CNKSR1: variants seen among roughly 807,000 people sequenced by gnomAD.
CNKSR1 encodes the protein CNK homolog protein 1.
CNKSR1 carries 88 observed loss-of-function variants against 95.6 expected under a neutral mutation model. The ratio of observed to expected loss-of-function variants is 0.92; its 90% CI spans 0.78 to 1.10. The LOEUF is 1.10. Among genes scored for constraint, CNKSR1 ranks in the 50% least tolerant of loss-of-function variants. The probability of loss-of-function intolerance (pLI) is 0.00; values close to 1 mark genes in which losing one functional copy is unlikely to be tolerated. For synonymous variants in CNKSR1, 355 were observed against 369.7 expected (o/e 0.96, Z 0.46); for missense variants, 836 against 912.0 (o/e 0.92, Z 1.07).
At position 26,182,416 on chromosome 1, in the gene CNKSR1, G is replaced by T. The variant is rs2088661996; in HGVS notation, c.519+14G>T. The T allele has an allele frequency of 6.2e-7, 1 of 1,614,028 alleles. No individual in the cohort carries two copies. Among genetic ancestry groups the T allele is most frequent in the Non-Finnish European group, 8.5e-7 (1 of 1,179,948 alleles). On this transcript the variant is annotated intron_variant, in intron 5 of 20. Coordinates refer to ENST00000361530, the MANE Select transcript of CNKSR1 (RefSeq NM_006314.3). ...GTCCTGAGGATCGTGAGTCTGTGGGGTGGGAAGAGAGTGGGGGTAGGGGCG... is the reference window on the plus strand; with the variant it reads ...GTCCTGAGGATCGTGAGTCTGTGGGTTGGGAAGAGAGTGGGGGTAGGGGCG...
chr1:26,179,830 A>G (rs2088616489), intron 1 of CNKSR1, among the ~76,000 whole-genome samples: 1 of 152,174 alleles, frequency 6.6e-6, no homozygotes, highest in Admixed American at 6.6e-5. Context: ...CATCACAGTC[A>G]CCTGCATTAA....
In CNKSR1 at chr1:26,189,288, C is replaced by T; in HGVS notation, c.1882C>T (p.Gln628Ter). The T allele has an allele frequency of 6.2e-7, 1 of 1,614,152 alleles. No homozygotes were observed. The highest frequency in any genetic ancestry group is 8.5e-7 in the Non-Finnish European group (1 of 1,180,034). Reference protein sequence around the residue: ...ALQSTLKAKLQELQVLEEVLG... With the variant: ...ALQSTLKAKL Reference sequence around the variant, plus strand: ...CCTCCTCTCCACACAGGCAAAGCTGCAGGAGCTGCAGGTCCTAGAAGAAGT... The same window carrying T: ...CCTCCTCTCCACACAGGCAAAGCTGTAGGAGCTGCAGGTCCTAGAAGAAGT... Residue 628 changes from glutamine to a stop codon, truncating the protein, a stop_gained, in exon 21 of 21, where the codon CAG becomes TAG. Transcript: ENST00000361530. LOFTEE classifies it low-confidence loss of function (END_TRUNC).
At chr1:26,188,545 A>G (rs368677102) in intron 18 of CNKSR1, 42 bp downstream of exon 18, 1 of 1,609,490 alleles carries the variant, frequency 6.2e-7, no homozygotes, top group Non-Finnish European at 8.5e-7. Flanking sequence ...GGGATAAACA[A>G]CAGGGCGTGG....
Position 26,182,371 on chromosome 1 carries a change from C to T in CNKSR1, c.488C>T (p.Ala163Val), listed in dbSNP as rs148174101. The T allele has an allele frequency of 6.8e-6, 11 of 1,613,788 alleles. No individual in the cohort carries two copies. The highest frequency in any genetic ancestry group is 5.0e-5 in the Admixed American group (3 of 59,988). ...LSQVLHEDGP[A>V]AEKEGTVLRI... ...TCATTCTACTTCCAGGATGGTCCAG[C>T]GGCTGAGAAGGAGGGCACAGTCCTG... Residue 163 changes from alanine (A) to valine (V), a missense_variant, in exon 5 of 21, where the codon GCG (alanine) becomes GTG (valine). Physicochemically the swap from Ala to Val is moderately conservative, Grantham distance 64 (BLOSUM62 0). Coordinates refer to ENST00000361530, the MANE Select transcript of CNKSR1 (RefSeq NM_006314.3).
rs904079282 is a variant in CNKSR1 at position 26,186,194 on chromosome 1, A to G, written c.1309-974A>G. Among the ~76,000 whole-genome samples the G allele has an allele frequency of 2.6e-5, 4 of 152,376 alleles. No individual in the cohort carries two copies. In the East Asian group the frequency reaches 7.7e-4, roughly 29 times the overall value. ...GCAGTTAGTTGCATGGGAAGGGGAAAGAAAACCAGGAAGAGAAAGCAGCAT... is the reference window on the plus strand; with the variant it reads ...GCAGTTAGTTGCATGGGAAGGGGAAGGAAAACCAGGAAGAGAAAGCAGCAT... On this transcript the variant is annotated intron_variant, in intron 14 of 20. Transcript: ENST00000361530.
In CNKSR1 at chr1:26,188,509, T is replaced by TG. The variant is rs746950461; in HGVS notation, c.1590+12dup. 27 of 1,601,272 alleles carry TG rather than the reference T, an allele frequency of 1.7e-5. No individual in the cohort carries two copies. In the East Asian group the frequency reaches 2.7e-4, roughly 16 times the overall value. On this transcript the variant is annotated splice_region_variant and intron_variant, in intron 18 of 20. Coordinates refer to ENST00000361530, the MANE Select transcript of CNKSR1 (RefSeq NM_006314.3). ...CTGGGTCCCACTCAGCCTCGGTGAG[T>TG]GGGGGGCTGCCGGGGGTAGGAGGTG...
chr1:26,181,280 CAA>C lies in CNKSR1; in HGVS notation c.392+407_392+408del, dbSNP rs11392737. On this transcript the variant is annotated intron_variant, in intron 3 of 20. Transcript: ENST00000361530. Reference sequence around the variant, plus strand: ...TGGGCGACAGAGTGAGACTCCCTCTCAAAAAAAAAAAAAAAAAAAAAAAAGAT... The same window carrying C: ...TGGGCGACAGAGTGAGACTCCCTCTCAAAAAAAAAAAAAAAAAAAAAAGAT... 4.5e-3 allele frequency among the ~76,000 whole-genome samples: 219 copies of C among 49,158 alleles called. 1 individual carries two copies. Among genetic ancestry groups the C allele is most frequent in the African/African-American group, 0.015 (190 of 13,030 alleles). The allele number at this position is 49,158 out of a possible 152,430, so 32.2% of individuals were successfully genotyped here. A position where few individuals can be genotyped will look rare whatever the true frequency, so the allele number is the denominator to read the frequency against.
At chr1:26,178,327 A>G (rs2088595000) in intron 1 of CNKSR1, among the ~76,000 whole-genome samples, 1 of 152,152 alleles carries the variant, frequency 6.6e-6, no homozygotes, top group African/African-American at 2.4e-5. Flanking sequence ...CTCTGGTGTC[A>G]TTTTCCCCGC....
In CNKSR1 at chr1:26,180,520, G is replaced by A. The variant is rs777200705; in HGVS notation, c.120G>A (p.Gln40=). Residue 40 remains glutamine (Q), a synonymous_variant, in exon 2 of 21, where the codon CAG becomes CAA. Coordinates refer to ENST00000361530, the MANE Select transcript of CNKSR1 (RefSeq NM_006314.3). ...AGCTGCCTGGCAAGAACCTGCTCCA[G>A]CTCTGCCCCCAAAGCCTCGAGGCTC... ...DWQLPGKNLL[Q]LCPQSLEALA... 2.4e-5 allele frequency: 38 copies of A among 1,614,072 alleles called. No individual in the cohort carries two copies. In the Middle Eastern group the frequency reaches 1.2e-3, roughly 49 times the overall value.
rs35307485 is a variant in CNKSR1, at chr1:26,187,620, C to CTT, written c.1454+157_1454+158dup. ...GGTCAAGATACTCACTTCTCTTTCTCTTTTTTTTTTTTTTTTTTTTGAGAC... is the reference window on the plus strand; with the variant it reads ...GGTCAAGATACTCACTTCTCTTTCTCTTTTTTTTTTTTTTTTTTTTTTGAGAC... On this transcript the variant is annotated intron_variant, in intron 16 of 20. Transcript: ENST00000361530. 9.4e-3 allele frequency: 4,317 copies of CTT among 458,780 alleles called. 3 individuals are homozygous for CTT. Among genetic ancestry groups the CTT allele is most frequent in the Middle Eastern group, 0.013 (21 of 1,658 alleles). 28.4% of individuals were successfully genotyped at this position (458,780 alleles called of 1,614,324 possible).
chr1:26,185,012 A>G lies in CNKSR1; in HGVS notation c.1136-2A>G, dbSNP rs1351677043. ...TGCCCAGCTTGTGCTGTGCTGCTAC[A>G]GGCCTGGCGACCCGGCTGAGCCGCC... On this transcript the variant is annotated splice_acceptor_variant, in intron 13 of 20. Coordinates refer to ENST00000361530, the MANE Select transcript of CNKSR1 (RefSeq NM_006314.3). LOFTEE classifies it high-confidence loss of function. The G allele has an allele frequency of 6.3e-7, 1 of 1,594,592 alleles. No homozygotes were observed. The highest frequency in any genetic ancestry group is 1.7e-5 in the Admixed American group (1 of 59,166).
Position 26,177,515 on chromosome 1 carries a change from A to G in CNKSR1, c.-33A>G. Reference sequence around the variant, plus strand: ...GAAATTCCGGCGACAGCAGGGCAAAACAGGAGCTGATTCGAGCTGGCAGAG... The same window carrying G: ...GAAATTCCGGCGACAGCAGGGCAAAGCAGGAGCTGATTCGAGCTGGCAGAG... On this transcript the variant is annotated 5_prime_UTR_variant, in exon 1 of 21. Coordinates refer to ENST00000361530, the MANE Select transcript of CNKSR1 (RefSeq NM_006314.3). The G allele has an allele frequency of 6.2e-7, 1 of 1,613,498 alleles. No individual in the cohort carries two copies. Among genetic ancestry groups the G allele is most frequent in the Admixed American group, 1.7e-5 (1 of 59,986 alleles).
chr1:26,181,009 G>A (rs2088639124), intron 3 of CNKSR1, 113 bp downstream of exon 3: 1 of 1,352,010 alleles, frequency 7.4e-7, no homozygotes, highest in East Asian at 2.3e-5. Flanking sequence ...GCCAGGCGTG[G>A]TGGCTTAGGT....
intron 14 of CNKSR1, 35 bp from the exon 15 acceptor site, chr1:26,187,133 G>A (rs145518890): frequency 4.6e-5 from 72 of 1,581,986 alleles, no homozygotes; most frequent in Non-Finnish European, 5.9e-5. Flanking sequence ...GGGTATTGGG[G>A]TTCCAACCTG....
Position 26,188,777 on chromosome 1 carries a change from A to G in CNKSR1, c.1696A>G (p.Ser566Gly), listed in dbSNP as rs1346100335. ...RTSFGSLTDS[S>G]EEALEGMVRG... Reference sequence around the variant, plus strand: ...CCTGCTCTTCCCTCCCACAGACAGCAGTGAAGAGGCACTGGAAGGAATGGT... The same window carrying G: ...CCTGCTCTTCCCTCCCACAGACAGCGGTGAAGAGGCACTGGAAGGAATGGT... The change falls in exon 20 of 21, where the codon AGT becomes GGT. Residue 566 changes from serine (S) to glycine (G), a missense_variant. Physicochemically the swap from Ser to Gly is moderately conservative, Grantham distance 56. Coordinates refer to ENST00000361530, the MANE Select transcript of CNKSR1 (RefSeq NM_006314.3). 6.2e-7 allele frequency: 1 copy of G among 1,609,620 alleles called. No homozygotes were observed. Among genetic ancestry groups the G allele is most frequent in the Non-Finnish European group, 8.5e-7 (1 of 1,176,948 alleles).
intron 4 of CNKSR1, 41 bp from the exon 5 acceptor site, chr1:26,182,320 C>G: frequency 6.2e-7 from 1 of 1,608,934 alleles, no homozygotes; most frequent in Non-Finnish European, 8.5e-7. Context: ...CCTTATGGCC[C>G]TTGCTCAGGG....
Position 26,185,113 on chromosome 1 carries a change from T to A in CNKSR1, c.1235T>A (p.Phe412Tyr), listed in dbSNP as rs1299886500. The A allele has an allele frequency of 6.3e-7, 1 of 1,598,848 alleles. No individual in the cohort carries two copies. The highest frequency in any genetic ancestry group is 1.3e-5 in the African/African-American group (1 of 74,770). ...CTGTTGCGAAAGGCACCGGGCGGCT[T>A]CATGGGCCCGCGCTGGCGCCGCCGC... The part of the protein sequence containing the change: ...WLLLRKAPGG[F>Y]MGPRWRRRWF... Residue 412 changes from phenylalanine to tyrosine, a missense_variant, in exon 14 of 21, where the codon TTC becomes TAC. Physicochemically the swap from Phe to Tyr is conservative, Grantham distance 22. Transcript: ENST00000361530.
rs1205910484 is a variant in CNKSR1 at position 26,188,694 on chromosome 1, A to G, written c.1687A>G (p.Thr563Ala). The change falls in exon 19 of 21, where the codon ACA (threonine) becomes GCA (alanine). Residue 563 changes from threonine (T) to alanine (A), a missense_variant. Physicochemically the swap from Thr to Ala is moderately conservative, Grantham distance 58. Transcript: ENST00000361530. ...RSPRTSFGSL[T>A]DSSEEALEGM... ...CCCACGGACCTCCTTTGGCTCTCTG[A>G]CAGGTGCTGGGCTGGAGTTGGGAGC... 3 of 1,613,562 alleles carry G rather than the reference A, an allele frequency of 1.9e-6. No homozygotes were observed. In the African/African-American group the frequency reaches 4.0e-5, roughly 22 times the overall value.
In CNKSR1 at chr1:26,188,846, C is replaced by T. The variant is rs200624648; in HGVS notation, c.1765C>T (p.Gln589Ter). Reference sequence around the variant, plus strand: ...TGGCGTGTCCCTCCTAGGCCAGCCACAGCCCCTGACCCAGGAACAGTGGCG... The same window carrying T: ...TGGCGTGTCCCTCCTAGGCCAGCCATAGCCCCTGACCCAGGAACAGTGGCG... ...QGGVSLLGQP[Q>*]PLTQEQWRSS... The change falls in exon 20 of 21, where the codon CAG becomes TAG. Residue 589 changes from glutamine (Q) to a stop codon, truncating the protein, a stop_gained. Coordinates refer to ENST00000361530, the MANE Select transcript of CNKSR1 (RefSeq NM_006314.3). LOFTEE classifies it high-confidence loss of function. The T allele has an allele frequency of 3.2e-5, 51 of 1,613,546 alleles. 1 individual carries two copies. The highest frequency in any genetic ancestry group is 2.0e-4 in the South Asian group (18 of 91,074).
Sources: allele counts gnomAD v4.1 joint callset (sites outside exome capture counted in the v4.1 genomes callset), GRCh38; gene constraint gnomAD v4.1.1; transcripts MANE v1.5; gene names NCBI Gene and HGNC (gene_info 2026-07-23, HGNC 2026-07-21).